SLC30A9: variants seen among roughly 807,000 people sequenced by gnomAD.
The protein encoded by SLC30A9 is proton-coupled zinc antiporter SLC30A9, mitochondrial.
SLC30A9 carries 58 observed loss-of-function variants against 87.5 expected under a neutral mutation model. The ratio of observed to expected loss-of-function variants is 0.66; its 90% CI spans 0.54 to 0.82. SLC30A9 has a LOEUF of 0.82. Among genes scored for constraint, SLC30A9 ranks in the 40% least tolerant of loss-of-function variants. SLC30A9 has a pLI of 0.00. For missense variants in SLC30A9, 557 were observed against 679.1 expected, an observed-to-expected ratio of 0.82 and a Z score of 2.00; for synonymous variants, 234 against 233.0, an observed-to-expected ratio of 1.00 and a Z score of -0.04.
chr4:42,089,140 G>A lies in SLC30A9; in HGVS notation c.*3014G>A, dbSNP rs532048400. On this transcript the variant is annotated 3_prime_UTR_variant, in exon 18 of 18. Transcript: ENST00000264451. ...AAAAATAATACTGGACAGAGGAGGGGCAGTCAAGGGTCCATGATTGATTCC... is the reference window on the plus strand; with the variant it reads ...AAAAATAATACTGGACAGAGGAGGGACAGTCAAGGGTCCATGATTGATTCC... 6 of 152,290 alleles carry A rather than the reference G, an allele frequency of 3.9e-5. No homozygotes were observed. In the South Asian group the frequency reaches 1.2e-3, roughly 32 times the overall value. The allele number at this position is 152,290 out of a possible 1,614,324, so 9.4% of individuals were successfully genotyped here. A position where few individuals can be genotyped will look rare whatever the true frequency, so the allele number is the denominator to read the frequency against.
chr4:42,054,382 A>ATTCAGGAT (rs1462079077), intron 9 of SLC30A9, among the ~76,000 whole-genome samples: 2 of 152,130 alleles, frequency 1.3e-5, no homozygotes, highest in Non-Finnish European at 2.9e-5. Flanking sequence ...AAAACTGTAC[A>ATTCAGGAT]TTCAGGATTT....
At chr4:42,074,968 CA>C (rs1376264368) in intron 15 of SLC30A9, among the ~76,000 whole-genome samples, 1 of 117,282 alleles carries the variant, frequency 8.5e-6, no homozygotes, top group Non-Finnish European at 1.7e-5. Context: ...TATATGGAGA[CA>C]AAGGCTTATG....
At chr4:42,065,393 T>C (rs1474777376) in intron 12 of SLC30A9, 44 bp downstream of exon 12, 2 of 1,016,094 alleles carry the variant, frequency 2.0e-6, no homozygotes, top group Admixed American at 1.7e-5. Flanking sequence ...AATTTAGTAA[T>C]ATATATTCAG....
Position 42,086,224 on chromosome 4 carries a change from C to A in SLC30A9, c.*98C>A. ...CTCTCCTACACTGAAAGACTCAGTG[C>A]CATGCAGAAGCCTTTTTTTTAAGAT... On this transcript the variant is annotated 3_prime_UTR_variant, in exon 18 of 18. Coordinates refer to ENST00000264451, the MANE Select transcript of SLC30A9 (RefSeq NM_006345.4). 1.6e-6 allele frequency: 1 copy of A among 639,018 alleles called. No individual in the cohort carries two copies. Among genetic ancestry groups the A allele is most frequent in the Non-Finnish European group, 2.6e-6 (1 of 380,510 alleles). The allele number at this position is 639,018 out of a possible 1,614,324, so 39.6% of individuals were successfully genotyped here. A position where few individuals can be genotyped will look rare whatever the true frequency, so the allele number is the denominator to read the frequency against.
At chr4:42,048,078 G>C (rs1004728822) in intron 8 of SLC30A9, among the ~76,000 whole-genome samples, 1 of 152,042 alleles carries the variant, frequency 6.6e-6, no homozygotes, top group East Asian at 1.9e-4. Context: ...GGCCTATTGG[G>C]GGGTGGGTGG....
At chr4:42,066,524 T>G (rs899158442) in intron 12 of SLC30A9, 26 bp from the exon 13 acceptor site, 16 of 1,521,052 alleles carry the variant, frequency 1.1e-5, no homozygotes, top group African/African-American at 4.1e-5. Flanking sequence ...GTTTCTGTCT[T>G]GCTGATATGA....
rs187631234 is a variant in SLC30A9, at chr4:42,058,134, A to C, written c.841-2057A>C. On this transcript the variant is annotated intron_variant, in intron 9 of 17. Coordinates refer to ENST00000264451, the MANE Select transcript of SLC30A9 (RefSeq NM_006345.4). Reference sequence around the variant, plus strand: ...AAAAAAAAAAAAACTGAATTCCTTTAATAGCACCCAAATCACCTCTTGAAT... The same window carrying C: ...AAAAAAAAAAAAACTGAATTCCTTTCATAGCACCCAAATCACCTCTTGAAT... 4.0e-3 allele frequency among the ~76,000 whole-genome samples: 605 copies of C among 151,354 alleles called. 2 individuals are homozygous for C. Among genetic ancestry groups the C allele is most frequent in the Non-Finnish European group, 6.5e-3 (443 of 67,840 alleles).
chr4:42,079,811 T>G (rs1718689919), intron 17 of SLC30A9, among the ~76,000 whole-genome samples: 1 of 151,928 alleles, frequency 6.6e-6, no homozygotes, highest in South Asian at 2.1e-4. Flanking sequence ...AGAGACAGGG[T>G]TTCACTATGT....
intron 1 of SLC30A9, among the ~76,000 whole-genome samples, chr4:41,997,563 C>A (rs941700698): frequency 2.0e-5 from 3 of 151,104 alleles, no homozygotes; most frequent in Non-Finnish European, 4.4e-5. Context: ...TATAAGTCTT[C>A]CGCTTTTTTT....
intron 2 of SLC30A9, 84 bp from the exon 3 acceptor site, chr4:42,018,027 A>G (rs1162011619): frequency 6.8e-6 from 5 of 735,212 alleles, no homozygotes; most frequent in Non-Finnish European, 1.2e-5. Context: ...ATGCATTGCT[A>G]TATTACATTG....
chr4:42,001,615 G>C lies in SLC30A9; in HGVS notation c.110-1G>C. On this transcript the variant is annotated splice_acceptor_variant, in intron 1 of 17. Coordinates refer to ENST00000264451, the MANE Select transcript of SLC30A9 (RefSeq NM_006345.4). LOFTEE classifies it high-confidence loss of function. ...TAAAGTATATATATTTTTTCTTTTA[G>C]AGTGGCAGAATTTAGTGACATTTGG... is the stretch of plus-strand genomic sequence containing the variant. The C allele has an allele frequency of 6.4e-7, 1 of 1,567,108 alleles. No individual in the cohort carries two copies. Among genetic ancestry groups the C allele is most frequent in the Non-Finnish European group, 8.7e-7 (1 of 1,151,022 alleles).
intron 2 of SLC30A9, among the ~76,000 whole-genome samples, chr4:42,005,699 A>G (rs933415217): frequency 6.6e-6 from 1 of 152,166 alleles, no homozygotes; most frequent in Non-Finnish European, 1.5e-5. Context: ...TTCTGCTTTC[A>G]CTTCATTTTT....
At chr4:42,020,641 A>T in intron 4 of SLC30A9, 126 bp downstream of exon 4, 1 of 515,302 alleles carries the variant, frequency 1.9e-6, no homozygotes, top group Non-Finnish European at 3.4e-6. Flanking sequence ...CTTAAAATGA[A>T]GAGATATTTT....
chr4:42,000,591 A>G (rs1318514321), intron 1 of SLC30A9, among the ~76,000 whole-genome samples: 1 of 152,090 alleles, frequency 6.6e-6, no homozygotes, highest in Non-Finnish European at 1.5e-5. Context: ...TTGAGTGAAT[A>G]CTTATGTTCC....
At chr4:41,992,608 A>G (rs1714500134) in intron 1 of SLC30A9, among the ~76,000 whole-genome samples, 1 of 151,292 alleles carries the variant, frequency 6.6e-6, no homozygotes, top group South Asian at 2.1e-4. Context: ...TGTCTGTGAA[A>G]CACAGATAAT....
intron 6 of SLC30A9, among the ~76,000 whole-genome samples, chr4:42,028,945 C>T (rs750200782): frequency 1.3e-5 from 2 of 152,212 alleles, no homozygotes; most frequent in Non-Finnish European, 2.9e-5. Flanking sequence ...CAGGGGAAAA[C>T]AGTGCTTAAA....
At chr4:41,992,569 G>A (rs1287571479) in intron 1 of SLC30A9, among the ~76,000 whole-genome samples, 1 of 152,152 alleles carries the variant, frequency 6.6e-6, no homozygotes, top group African/African-American at 2.4e-5. Flanking sequence ...CTGTCATTAT[G>A]TTGAAAATTA....
At chr4:42,006,924 A>G (rs191397611) in intron 2 of SLC30A9, among the ~76,000 whole-genome samples, 5 of 152,244 alleles carry the variant, frequency 3.3e-5, no homozygotes, top group African/African-American at 1.2e-4. Flanking sequence ...GAAAATGGCA[A>G]GAGTTAAGCA....
intron 6 of SLC30A9, among the ~76,000 whole-genome samples, chr4:42,024,300 G>A (rs2153135804): frequency 6.6e-6 from 1 of 152,228 alleles, no homozygotes; most frequent in Non-Finnish European, 1.5e-5. Flanking sequence ...GAGCCCAGGA[G>A]TTTGAGACCA....
Sources: allele counts gnomAD v4.1 joint callset (sites outside exome capture counted in the v4.1 genomes callset), GRCh38; gene constraint gnomAD v4.1.1; transcripts MANE v1.5; gene names NCBI Gene and HGNC (gene_info 2026-07-23, HGNC 2026-07-21).